The following STARD9 variants were observed in gnomAD, a reference collection of about 807,000 sequenced individuals.
The protein encoded by STARD9 is StAR related lipid transfer domain containing 9, also known as stAR-related lipid transfer protein 9.
STARD9 carries 346 observed loss-of-function variants against 399.8 expected under a neutral mutation model. The ratio of observed to expected loss-of-function variants is 0.87; its 90% confidence interval spans 0.79 to 0.95. STARD9 has a LOEUF of 0.95. Among genes scored for constraint, STARD9 ranks in the 40% least tolerant of loss-of-function variants. STARD9 has a pLI of 0.00. For missense variants in STARD9, 5,832 were observed against 5,667.5 expected (o/e 1.03, Z -0.93); for synonymous variants, 2,203 against 2,143.5 (o/e 1.03, Z -0.77).
rs539126171 is a variant in STARD9 at position 42,693,381 on chromosome 15, G to T, written c.11803G>T (p.Asp3935Tyr). ...THPVEGHQKL[D>Y]SSPDPVDAPR... is the part of the protein sequence containing the mutation. ...CCCTGTTGAAGGCCACCAGAAGCTT[G>T]ACTCCAGCCCAGACCCTGTTGATGC... is the stretch of plus-strand genomic sequence containing the variant. The change falls in exon 23 of 33, where the codon GAC becomes TAC. Residue 3935 changes from aspartate to tyrosine, a missense_variant. Asp to Tyr is a radical substitution (Grantham distance 160). Transcript: ENST00000290607. 1.6e-5 allele frequency: 25 copies of T among 1,537,128 alleles called. No homozygotes were observed. The South Asian group carries it at 2.9e-4, about 18-fold the overall frequency.
At chr15:42,715,720 G>A (rs1595832838) in intron 26 of STARD9, among the ~76,000 whole-genome samples, 1 of 152,154 alleles carries the variant, frequency 6.6e-6, no homozygotes, top group Non-Finnish European at 1.5e-5. Flanking sequence ...TGTTGGTCAG[G>A]CTGGTCTGGA....
chr15:42,635,531 G>C (rs193141726), intron 4 of STARD9, among the ~76,000 whole-genome samples: 1 of 151,864 alleles, frequency 6.6e-6, no homozygotes, highest in African/African-American at 2.4e-5. Context: ...GGGTTTCACC[G>C]TGTTAGCCAG....
At chr15:42,582,476 A>G (rs2058194523) in intron 1 of STARD9, among the ~76,000 whole-genome samples, 1 of 152,170 alleles carries the variant, frequency 6.6e-6, no homozygotes, top group Non-Finnish European at 1.5e-5. Flanking sequence ...TTTAGTTGTT[A>G]GCAGTATTAC....
At chr15:42,583,491 G>A in intron 2 of STARD9, 76 bp downstream of exon 2, 16 of 1,094,442 alleles carry the variant, frequency 1.5e-5, no homozygotes, top group East Asian at 2.6e-5. Context: ...GGCTGAAGGT[G>A]TATATGTGAA....
Position 42,691,907 on chromosome 15 carries a change from C to T in STARD9, c.10329C>T (p.Val3443=), listed in dbSNP as rs2060716676. The change falls in exon 23 of 33, where the codon GTC becomes GTT. Residue 3443 remains valine, a synonymous_variant. Coordinates refer to ENST00000290607, the MANE Select transcript of STARD9 (RefSeq NM_020759.3). ...AGGGAAAGCGAGAGAAACTGGGTGT[C>T]CAGGTTAGGCCAGAAAATTGGTGCT... ...AQQGKREKLG[V]QVRPENWCSQ... is the part of the protein sequence containing the mutation. 2.6e-6 allele frequency: 4 copies of T among 1,537,254 alleles called. No individual in the cohort carries two copies. The highest frequency in any genetic ancestry group is 3.5e-6 in the Non-Finnish European group (4 of 1,146,908).
At chr15:42,632,763 G>A (rs1031508047) in intron 3 of STARD9, among the ~76,000 whole-genome samples, 5 of 152,134 alleles carry the variant, frequency 3.3e-5, no homozygotes, top group African/African-American at 1.2e-4. Flanking sequence ...GATCCCTTGA[G>A]CCCAGGAGTT....
At chr15:42,681,741 C>G (rs1348145254) in intron 21 of STARD9, 129 bp downstream of exon 21, 1 of 877,774 alleles carries the variant, frequency 1.1e-6, no homozygotes, top group African/African-American at 1.7e-5. Context: ...TAGGTGTTCT[C>G]TTTTCTTTTA....
At chr15:42,601,389 C>CA (rs1362669352) in intron 3 of STARD9, among the ~76,000 whole-genome samples, 7 of 152,034 alleles carry the variant, frequency 4.6e-5, no homozygotes, top group Admixed American at 1.3e-4. Flanking sequence ...GTACACCTCC[C>CA]GACGGGGTGG....
At chr15:42,671,036 G>C (rs1339028015) in intron 16 of STARD9, 2 of 152,070 alleles carry the variant, frequency 1.3e-5, no homozygotes, top group African/African-American at 4.8e-5. Flanking sequence ...TAGAGCTTAG[G>C]GTCGCAGCAG....
chr15:42,716,288 T>G (rs551618048), intron 26 of STARD9, among the ~76,000 whole-genome samples: 1 of 152,254 alleles, frequency 6.6e-6, no homozygotes, highest in African/African-American at 2.4e-5. Context: ...CTTCCACATT[T>G]ATTACCCCGT....
Position 42,637,942 on chromosome 15 carries a change from A to G in STARD9, c.384+3A>G. On this transcript the variant is annotated splice_donor_region_variant and intron_variant, in intron 5 of 32. Coordinates refer to ENST00000290607, the MANE Select transcript of STARD9 (RefSeq NM_020759.3). ...GGTTGACACCACGGATATGTGAGGT[A>G]TAGACTATCTTTTGGCTGGATCCTC... The G allele has an allele frequency of 1.3e-6, 2 of 1,537,256 alleles. No individual in the cohort carries two copies. The highest frequency in any genetic ancestry group is 1.7e-6 in the Non-Finnish European group (2 of 1,146,896).
rs2060799535 is a variant in STARD9 at position 42,694,615 on chromosome 15, AC to A, written c.12853del (p.Gln4285AsnfsTer2). ...CRTRSLSPQK[Q>X]LSLLPNKDLF... Reference sequence around the variant, plus strand: ...GGACGCGAAGCCTTAGCCCTCAGAAACAACTGAGCCTCCTGCCCAACAAAGA... The same window carrying A: ...GGACGCGAAGCCTTAGCCCTCAGAAAAACTGAGCCTCCTGCCCAACAAAGA... On this transcript the variant is annotated frameshift_variant, in exon 24 of 33. Coordinates refer to ENST00000290607, the MANE Select transcript of STARD9 (RefSeq NM_020759.3). LOFTEE classifies it high-confidence loss of function. 1 of 1,537,178 alleles carries A rather than the reference AC, an allele frequency of 6.5e-7. No homozygotes were observed. The highest frequency in any genetic ancestry group is 1.7e-4 in the Middle Eastern group (1 of 5,990).
intron 26 of STARD9, among the ~76,000 whole-genome samples, chr15:42,705,421 T>C (rs1379281318): frequency 1.3e-5 from 2 of 152,120 alleles, no homozygotes; most frequent in African/African-American, 4.8e-5. Flanking sequence ...TGTGCCTCTG[T>C]GTTACTGATC....
intron 20 of STARD9, among the ~76,000 whole-genome samples, chr15:42,680,253 G>A (rs901866257): frequency 1.3e-5 from 2 of 152,196 alleles, no homozygotes; most frequent in Non-Finnish European, 2.9e-5. Context: ...AAGCCTCTGA[G>A]TCATCTGTGG....
rs1595732854 is a variant in STARD9 at position 42,665,411 on chromosome 15, C to T, written c.1254+81C>T. On this transcript the variant is annotated intron_variant, in intron 14 of 32. Transcript: ENST00000290607. The stretch of plus-strand genomic sequence containing the variant: ...CTTTTCTTCTCCATAGAGTCTGGGC[C>T]CTGCTGCATTCTATGTTCTCAATTG... 2.8e-5 allele frequency: 32 copies of T among 1,137,784 alleles called. No homozygotes were observed. In the East Asian group the frequency reaches 7.9e-4, roughly 28 times the overall value. The allele number at this position is 1,137,784 out of a possible 1,614,324, so 70.5% of individuals were successfully genotyped here.
chr15:42,607,403 A>T (rs929061085), intron 3 of STARD9, among the ~76,000 whole-genome samples: 10 of 151,360 alleles, frequency 6.6e-5, no homozygotes, highest in African/African-American at 2.2e-4. Context: ...GGGTTTCACC[A>T]TGTTGGCCAG....
intron 32 of STARD9, 21 bp from the exon 33 acceptor site, chr15:42,719,452 T>C: frequency 6.7e-7 from 1 of 1,490,406 alleles, no homozygotes; most frequent in South Asian, 1.2e-5. Flanking sequence ...GCACCTTAAA[T>C]TCTTCTCTCT....
At chr15:42,718,674 C>A in intron 31 of STARD9, 78 bp from the exon 32 acceptor site, 1 of 1,489,902 alleles carries the variant, frequency 6.7e-7, no homozygotes, top group South Asian at 1.2e-5. Context: ...TTGCCTTTCA[C>A]CATACTGTCT....
intron 3 of STARD9, among the ~76,000 whole-genome samples, chr15:42,588,776 GTTTTTTTTTTTT>G (rs758570571): frequency 1.0e-4 from 4 of 38,414 alleles, no homozygotes; most frequent in East Asian, 1.0e-3. Flanking sequence ...TCTTCACAGC[GTTTTTTTTTTTT>G]TTTTTTTTTT....
Sources: gnomAD v4.1 joint callset for allele counts (sites outside exome capture counted in the v4.1 genomes callset) on GRCh38, gnomAD v4.1.1 for gene constraint, MANE v1.5 for transcripts, NCBI Gene and HGNC (gene_info 2026-07-23, HGNC 2026-07-21) for gene names.